The following TAS1R1 variants were observed in gnomAD, a reference collection of about 807,000 sequenced individuals.
The protein encoded by TAS1R1 is taste 1 receptor member 1, also known as taste receptor type 1 member 1.
In TAS1R1, 31 loss-of-function variants were observed where a neutral mutation model predicts 45.8. The ratio of observed to expected loss-of-function variants is 0.68; its 90% CI spans 0.51 to 0.91. TAS1R1 has a LOEUF of 0.91. TAS1R1 is among the 40% of genes least tolerant of loss of function. The pLI, the probability that TAS1R1 is intolerant of heterozygous loss-of-function variation, is 0.00. For missense variants in TAS1R1, 1,051 were observed against 1,063.9 expected (o/e 0.99, Z 0.17); for synonymous variants, 437 against 448.4 (o/e 0.97, Z 0.32).
At chr1:6,556,682 T>C (rs1374387917) in intron 1 of TAS1R1, among the ~76,000 whole-genome samples, 1 of 150,590 alleles carries the variant, frequency 6.6e-6, no homozygotes, top group East Asian at 2.0e-4. Context: ...GATTATAGGC[T>C]TGAGCCACCG....
At chr1:6,559,725 T>G (rs1189623757) in intron 1 of TAS1R1, among the ~76,000 whole-genome samples, 4 of 149,944 alleles carry the variant, frequency 2.7e-5, no homozygotes, top group Non-Finnish European at 4.4e-5. Flanking sequence ...CCTAGTACTT[T>G]GGGAGGCTGA....
rs770105552 is a variant in TAS1R1, at chr1:6,576,566, G to A, written c.1412G>A (p.Trp471Ter). 20 of 1,614,226 alleles carry A rather than the reference G, an allele frequency of 1.2e-5. No homozygotes were observed. Among genetic ancestry groups the A allele is most frequent in the Non-Finnish European group, 1.5e-5 (18 of 1,180,038 alleles). The change falls in exon 4 of 6, where the codon TGG becomes TAG. Residue 471 changes from tryptophan to a stop codon, truncating the protein, a stop_gained. Coordinates refer to ENST00000333172, the MANE Select transcript of TAS1R1 (RefSeq NM_138697.4). LOFTEE classifies it high-confidence loss of function. Reference protein sequence around the residue: ...WTFTVLGSSTWSPVQLNINET... With the variant: ...WTFTVLGSST ...TTCACGGTCCTCGGTTCCTCCACAT[G>A]GTCTCCAGTTCAGCTAAACATAAAT...
intron 1 of TAS1R1, among the ~76,000 whole-genome samples, chr1:6,567,128 G>A (rs1451527814): frequency 6.6e-6 from 1 of 152,196 alleles, no homozygotes; most frequent in African/African-American, 2.4e-5. Flanking sequence ...AATGAAGCAT[G>A]ATAGAAAGAC....
intron 1 of TAS1R1, among the ~76,000 whole-genome samples, chr1:6,563,448 G>A (rs1436724457): frequency 1.3e-5 from 2 of 152,198 alleles, no homozygotes; most frequent in Non-Finnish European, 2.9e-5. Context: ...CCGTGTCAGA[G>A]TGTTTTCTGT....
chr1:6,560,691 G>A lies in TAS1R1; in HGVS notation c.191+5127G>A, dbSNP rs997447636. ...CTTCTGACTGCTTCTAGCTAAAGAG[G>A]GGCAATGTTGGCCGGGCGTGGTGGC... On this transcript the variant is annotated intron_variant, in intron 1 of 5. Transcript: ENST00000333172. Among the ~76,000 whole-genome samples the A allele has an allele frequency of 7.9e-5, 12 of 152,128 alleles. 1 individual carries two copies. Among genetic ancestry groups the A allele is most frequent in the Admixed American group, 6.5e-4 (10 of 15,278 alleles).
At position 6,574,800 on chromosome 1, in the gene TAS1R1, T is replaced by C. The variant is rs1640115347; in HGVS notation, c.668T>C (p.Leu223Pro). ...GGCAGCAGTGACGACTATGGGCAGC[T>C]AGGGGTGCAGGCACTGGAGAACCAG... ...LVGSSDDYGQ[L>P]GVQALENQAT... Residue 223 changes from leucine (L) to proline (P), a missense_variant, in exon 3 of 6, where the codon CTA (leucine) becomes CCA (proline). By Grantham distance (98) the Leu-to-Pro change is moderately conservative. Coordinates refer to ENST00000333172, the MANE Select transcript of TAS1R1 (RefSeq NM_138697.4). The surrounding 1 kb of genome is among the most constrained non-coding windows in gnomAD (Gnocchi z 4.3). 1 of 1,614,124 alleles carries C rather than the reference T, an allele frequency of 6.2e-7. No individual in the cohort carries two copies. Among genetic ancestry groups the C allele is most frequent in the African/African-American group, 1.3e-5 (1 of 74,950 alleles).
rs1640317981 is a variant in TAS1R1, at chr1:6,579,408, G to A, written c.2350G>A (p.Asp784Asn). Residue 784 changes from aspartate (D) to asparagine (N), a missense_variant, in exon 6 of 6, where the codon GAC (aspartate) becomes AAC (asparagine). Physicochemically the swap from Asp to Asn is conservative, Grantham distance 23. Coordinates refer to ENST00000333172, the MANE Select transcript of TAS1R1 (RefSeq NM_138697.4). Reference protein sequence around the residue: ...IAFFTTASVYDGKYLPAANMM... With the variant: ...IAFFTTASVYNGKYLPAANMM... The stretch of plus-strand genomic sequence containing the variant: ...CTTCTTCACCACGGCCAGCGTCTAC[G>A]ACGGCAAGTACCTGCCTGCGGCCAA... The A allele has an allele frequency of 6.2e-7, 1 of 1,613,944 alleles. No homozygotes were observed. Among genetic ancestry groups the A allele is most frequent in the Non-Finnish European group, 8.5e-7 (1 of 1,180,056 alleles).
At position 6,574,487 on chromosome 1, in the gene TAS1R1, C is replaced by T; in HGVS notation, c.499-144C>T. 9.3e-7 allele frequency: 1 copy of T among 1,077,080 alleles called. No homozygotes were observed. Among genetic ancestry groups the T allele is most frequent in the Non-Finnish European group, 1.3e-6 (1 of 772,534 alleles). 66.7% of individuals were successfully genotyped at this position (1,077,080 alleles called of 1,614,324 possible). ...CCCCCAGAACCTGCCCCAGTGGAGC[C>T]TTCGCAGGTGATTTGTCAGTTTCAC... On this transcript the variant is annotated intron_variant, in intron 2 of 5. Transcript: ENST00000333172. The surrounding 1 kb of genome is among the most constrained non-coding windows in gnomAD (Gnocchi z 4.3).
intron 1 of TAS1R1, among the ~76,000 whole-genome samples, chr1:6,557,327 G>A (rs888380686): frequency 4.6e-5 from 7 of 152,082 alleles, no homozygotes; most frequent in East Asian, 1.9e-4. Context: ...CGAACCCTCC[G>A]TTGAGAGACT....
rs1311906328 is a variant in TAS1R1, at chr1:6,574,428, C to G, written c.499-203C>G. ...GTCTCCTTTGCTTGGAATGCATCCC[C>G]TCACCCCTTGTCCCCAGGCAGATTC... On this transcript the variant is annotated intron_variant, in intron 2 of 5. Transcript: ENST00000333172. This position sits in a 1 kb window ranked among gnomAD's most constrained non-coding sequence, Gnocchi z 4.3. Among the ~76,000 whole-genome samples, 4 of 152,204 alleles carry G rather than the reference C, an allele frequency of 2.6e-5. No individual in the cohort carries two copies. The highest frequency in any genetic ancestry group is 5.9e-5 in the Non-Finnish European group (4 of 68,028).
rs1156573230 is a variant in TAS1R1 at position 6,575,309 on chromosome 1, G to A, written c.1177G>A (p.Val393Met). The A allele has an allele frequency of 6.2e-7, 1 of 1,612,714 alleles. No individual in the cohort carries two copies. The highest frequency in any genetic ancestry group is 8.5e-7 in the Non-Finnish European group (1 of 1,179,860). The change falls in exon 3 of 6, where the codon GTG (valine) becomes ATG (methionine). Residue 393 changes from valine (V) to methionine (M), a missense_variant. Transcript: ENST00000333172. ...TTCTGCCTACAACGCATACCGGGCT[G>A]TGTATGCGGTGGCCCATGGCCTCCA... is the stretch of plus-strand genomic sequence containing the variant. Reference protein sequence around the residue: ...MSSAYNAYRAVYAVAHGLHQL... With the variant: ...MSSAYNAYRAMYAVAHGLHQL...
At chr1:6,568,242 T>A (rs796325941) in intron 1 of TAS1R1, among the ~76,000 whole-genome samples, 1 of 151,676 alleles carries the variant, frequency 6.6e-6, no homozygotes, top group Non-Finnish European at 1.5e-5. Context: ...AAGGTCAGGA[T>A]ATTGAGACCA....
intron 4 of TAS1R1, 120 bp downstream of exon 4, chr1:6,576,747 C>T: frequency 7.2e-7 from 1 of 1,381,622 alleles, no homozygotes; most frequent in South Asian, 1.3e-5. Context: ...GCTGCCACCA[C>T]TCTACCCATC....
chr1:6,576,378 C>G, intron 3 of TAS1R1, 37 bp from the exon 4 acceptor site: 1 of 1,605,694 alleles, frequency 6.2e-7, no homozygotes, highest in East Asian at 2.2e-5. Context: ...TGGGTCTGTG[C>G]TGTCTGTGGT....
Position 6,570,929 on chromosome 1 carries a change from A to G in TAS1R1, c.212A>G (p.His71Arg), listed in dbSNP as rs1639993803. 3 of 1,606,224 alleles carry G rather than the reference A, an allele frequency of 1.9e-6. No homozygotes were observed. Among genetic ancestry groups the G allele is most frequent in the South Asian group, 1.1e-5 (1 of 89,312 alleles). The stretch of plus-strand genomic sequence containing the variant: ...CACAGGTCTTGTAGCTTCAATGAGC[A>G]TGGCTACCACCTCTTCCAGGCTATG... ...LCDRSCSFNE[H>R]GYHLFQAMRL... is the part of the protein sequence containing the mutation. The change falls in exon 2 of 6, where the codon CAT becomes CGT. Residue 71 changes from histidine (H) to arginine (R), a missense_variant. Coordinates refer to ENST00000333172, the MANE Select transcript of TAS1R1 (RefSeq NM_138697.4).
At chr1:6,567,978 G>A (rs1371961433) in intron 1 of TAS1R1, among the ~76,000 whole-genome samples, 1 of 152,112 alleles carries the variant, frequency 6.6e-6, no homozygotes, top group Non-Finnish European at 1.5e-5. Flanking sequence ...ACAGCTAGAA[G>A]TTGGTATTTA....
Position 6,579,033 on chromosome 1 carries a change from ATCT to A in TAS1R1, c.1978_1980del (p.Phe660del). On this transcript the variant is annotated inframe_deletion, in exon 6 of 6. Transcript: ENST00000333172. Reference sequence around the variant, plus strand: ...AGTTCGCTCATTCCAACTAATCATCATCTTCAAGTTTTCCACCAAGGTACCTAC... The same window carrying A: ...AGTTCGCTCATTCCAACTAATCATCATCAAGTTTTCCACCAAGGTACCTAC... 3.1e-6 allele frequency: 5 copies of A among 1,612,924 alleles called. No individual in the cohort carries two copies. The highest frequency in any genetic ancestry group is 4.2e-6 in the Non-Finnish European group (5 of 1,179,156).
At chr1:6,560,057 G>C (rs1428422521) in intron 1 of TAS1R1, among the ~76,000 whole-genome samples, 1 of 149,870 alleles carries the variant, frequency 6.7e-6, no homozygotes, top group African/African-American at 2.5e-5. Flanking sequence ...AGCACTTTGG[G>C]AGGCCAAGGC....
At chr1:6,576,903 G>A in intron 4 of TAS1R1, 47 bp from the exon 5 acceptor site, 1 of 1,613,774 alleles carries the variant, frequency 6.2e-7, no homozygotes, top group Non-Finnish European at 8.5e-7. Context: ...CATGTGAGCT[G>A]TCCTTTGACT....
Sources: allele counts gnomAD v4.1 joint callset (sites outside exome capture counted in the v4.1 genomes callset), GRCh38; gene constraint gnomAD v4.1.1; non-coding constraint Gnocchi (gnomAD v3.1); transcripts MANE v1.5; gene names NCBI Gene and HGNC (gene_info 2026-07-23, HGNC 2026-07-21).